The following YEATS4 variants were observed in gnomAD, a reference collection of about 807,000 sequenced individuals.
YEATS4 encodes the protein YEATS domain-containing protein 4.
Under a neutral mutation model 30.1 loss-of-function variants are expected in YEATS4, and 17 were observed. The ratio of observed to expected loss-of-function variants is 0.56; its 90% confidence interval spans 0.39 to 0.85. The LOEUF is 0.85. Ranked by LOEUF, YEATS4 falls within the 40% of genes least tolerant of loss-of-function variation. The pLI is 0.00. For synonymous variants in YEATS4, 85 were observed against 87.5 expected (o/e 0.97, Z 0.16); for missense variants, 142 against 268.3 (o/e 0.53, Z 3.29).
intron 6 of YEATS4, among the ~76,000 whole-genome samples, chr12:69,377,137 T>C (rs1317552668): frequency 6.6e-6 from 1 of 152,196 alleles, no homozygotes; most frequent in East Asian, 1.9e-4. Flanking sequence ...AACCAACTTC[T>C]TGTTTCATTG....
chr12:69,422,742 G>A, the YEATS4 span: 1 of 153,256 alleles, frequency 6.5e-6, no homozygotes, highest in African/African-American at 2.4e-5. Flanking sequence ...CACCCAATGT[G>A]TGCCCAAGGA....
chr12:69,363,648 C>T (rs1592847393), intron 2 of YEATS4, among the ~76,000 whole-genome samples: 1 of 152,148 alleles, frequency 6.6e-6, no homozygotes, highest in East Asian at 1.9e-4. Flanking sequence ...TCTTCAATGC[C>T]TGGAACATAG....
intron 6 of YEATS4, among the ~76,000 whole-genome samples, chr12:69,388,217 T>C (rs1233018117): frequency 6.6e-6 from 1 of 152,198 alleles, no homozygotes; most frequent in Non-Finnish European, 1.5e-5. Flanking sequence ...CTCGCCACCA[T>C]GCCCAGCTAA....
At chr12:69,372,635 A>G (rs1875692113) in intron 6 of YEATS4, among the ~76,000 whole-genome samples, 1 of 150,362 alleles carries the variant, frequency 6.7e-6, no homozygotes, top group African/African-American at 2.5e-5. Context: ...CCCAGGCTCA[A>G]GTGATTCTCC....
At position 69,362,915 on chromosome 12, in the gene YEATS4, C is replaced by T; in HGVS notation, c.171+8C>T. 1 of 1,512,500 alleles carries T rather than the reference C, an allele frequency of 6.6e-7. No individual in the cohort carries two copies. The highest frequency in any genetic ancestry group is 2.5e-5 in the East Asian group (1 of 39,942). 93.7% of individuals were successfully genotyped at this position (1,512,500 alleles called of 1,614,324 possible). A position where few individuals can be genotyped will look rare whatever the true frequency, so the allele number is the denominator to read the frequency against. ...AAACCATATAGAAATGAGGTAGGCA[C>T]TCGTTTTTTCTGTAACTGTTTTACT... On this transcript the variant is annotated splice_region_variant and intron_variant, in intron 2 of 6. Coordinates refer to ENST00000247843, the MANE Select transcript of YEATS4 (RefSeq NM_006530.4).
the YEATS4 span, among the ~76,000 whole-genome samples, chr12:69,399,956 T>C: frequency 1.3e-5 from 2 of 152,134 alleles, no homozygotes; most frequent in Non-Finnish European, 2.9e-5. Context: ...TGATTAGTGG[T>C]TGCCAGGAGA....
chr12:69,399,606 A>G, the YEATS4 span, among the ~76,000 whole-genome samples: 1 of 152,234 alleles, frequency 6.6e-6, no homozygotes, highest in African/African-American at 2.4e-5. Context: ...TGTTAAACAT[A>G]GAGTTACCAT....
At chr12:69,400,152 A>G in the YEATS4 span, among the ~76,000 whole-genome samples, 29 of 152,050 alleles carry the variant, frequency 1.9e-4, no homozygotes, top group African/African-American at 6.3e-4. Flanking sequence ...GCTTAGTGTT[A>G]CCATTTACTG....
chr12:69,372,206 T>C (rs1875671040), intron 6 of YEATS4, among the ~76,000 whole-genome samples: 1 of 152,246 alleles, frequency 6.6e-6, no homozygotes, highest in African/African-American at 2.4e-5. Context: ...TGTTTAATTT[T>C]GTGGGTATAT....
chr12:69,405,426 T>C, the YEATS4 span, among the ~76,000 whole-genome samples: 8 of 152,258 alleles, frequency 5.3e-5, no homozygotes, highest in East Asian at 1.9e-4. Context: ...AGAAGACCTT[T>C]AGTGACCTCA....
intron 6 of YEATS4, among the ~76,000 whole-genome samples, chr12:69,375,546 G>A (rs2120989357): frequency 6.6e-6 from 1 of 152,348 alleles, no homozygotes; most frequent in South Asian, 2.1e-4. Flanking sequence ...GGAGGCCAAG[G>A]CAGGCGGCTG....
At chr12:69,365,956 GAATA>G in intron 4 of YEATS4, 72 bp downstream of exon 4, 1 of 1,125,380 alleles carries the variant, frequency 8.9e-7, no homozygotes, top group Non-Finnish European at 1.3e-6. Context: ...AATACTTAAT[GAATA>G]GTGTTCATTC....
At chr12:69,382,784 A>C (rs554935482) in intron 6 of YEATS4, among the ~76,000 whole-genome samples, 35 of 152,342 alleles carry the variant, frequency 2.3e-4, no homozygotes, top group Non-Finnish European at 4.3e-4. Flanking sequence ...AGAAGACATT[A>C]GATTTTGGAC....
At chr12:69,373,359 G>T (rs574144303) in intron 6 of YEATS4, among the ~76,000 whole-genome samples, 1 of 152,152 alleles carries the variant, frequency 6.6e-6, no homozygotes, top group Non-Finnish European at 1.5e-5. Flanking sequence ...ACATCTCATT[G>T]TAGTTTTAAT....
chr12:69,413,140 G>A, the YEATS4 span, among the ~76,000 whole-genome samples: 1 of 152,154 alleles, frequency 6.6e-6, no homozygotes, highest in Admixed American at 6.5e-5. Flanking sequence ...TTGGCTGGGT[G>A]TAGGGCTCAT....
At chr12:69,396,793 G>T in the YEATS4 span, among the ~76,000 whole-genome samples, 1 of 152,120 alleles carries the variant, frequency 6.6e-6, no homozygotes, top group African/African-American at 2.4e-5. Flanking sequence ...TATTCAAATT[G>T]ATTCTGTAAA....
At chr12:69,397,041 G>C in the YEATS4 span, among the ~76,000 whole-genome samples, 4 of 152,140 alleles carry the variant, frequency 2.6e-5, no homozygotes, top group East Asian at 7.7e-4. Flanking sequence ...GTGTTGAATG[G>C]TAAGAATAAA....
chr12:69,425,815 A>G, the YEATS4 span, among the ~76,000 whole-genome samples: 3 of 152,172 alleles, frequency 2.0e-5, no homozygotes, highest in East Asian at 5.8e-4. Flanking sequence ...AGCCCAACCA[A>G]GCAACCCACT....
chr12:69,417,442 G>A, the YEATS4 span, among the ~76,000 whole-genome samples: 1 of 151,992 alleles, frequency 6.6e-6, no homozygotes, highest in Non-Finnish European at 1.5e-5. Context: ...TTACACATGT[G>A]AGCCACCACA....
Sources: gnomAD v4.1 joint callset for allele counts (sites outside exome capture counted in the v4.1 genomes callset) on GRCh38, gnomAD v4.1.1 for gene constraint, MANE v1.5 for transcripts, NCBI Gene and HGNC (gene_info 2026-07-23, HGNC 2026-07-21) for gene names.